The following DOCK10 variants were observed in gnomAD, a reference collection of about 807,000 sequenced individuals.
DOCK10 encodes the protein dedicator of cytokinesis protein 10.
In DOCK10, 145 loss-of-function variants were observed where a neutral mutation model predicts 280.1. That is an observed-to-expected ratio of 0.52 (90% confidence interval 0.45 to 0.59). The LOEUF (loss-of-function observed/expected upper bound fraction) is 0.59, where lower values mean the gene tolerates loss of function less well. Ranked by LOEUF, DOCK10 falls within the 20% of genes least tolerant of loss-of-function variation. The pLI is 0.00. For synonymous variants in DOCK10, 915 were observed against 942.2 expected (o/e 0.97, Z 0.53); for missense variants, 2,368 against 2,651.7 (o/e 0.89, Z 2.35).
chr2:224,883,704 T>A (rs945528662), intron 7 of DOCK10, among the ~76,000 whole-genome samples: 2 of 152,108 alleles, frequency 1.3e-5, no homozygotes, highest in African/African-American at 2.4e-5. Context: ...TCAATACTCC[T>A]TTTTTTCCAT....
intron 2 of DOCK10, among the ~76,000 whole-genome samples, chr2:224,921,110 A>ATATATATATATATATATAT (rs1185460802): frequency 2.9e-5 from 2 of 69,610 alleles, no homozygotes; most frequent in African/African-American, 2.1e-4. Flanking sequence ...AAAAAAAAAA[A>ATATATATATATATATATAT]AAATATATAT....
chr2:225,037,552 T>C (rs921892636), intron 1 of DOCK10, among the ~76,000 whole-genome samples: 2 of 152,206 alleles, frequency 1.3e-5, no homozygotes, highest in Non-Finnish European at 2.9e-5. Context: ...GCAGAGGATG[T>C]CCCATATCAG....
chr2:224,960,393 T>A (rs1011014053), intron 1 of DOCK10, among the ~76,000 whole-genome samples: 9 of 152,214 alleles, frequency 5.9e-5, no homozygotes, highest in African/African-American at 2.2e-4. Context: ...GACATTGTGC[T>A]AAGTATTCAG....
At chr2:224,788,801 TTAC>T (rs1691936593) in intron 48 of DOCK10, among the ~76,000 whole-genome samples, 2 of 152,204 alleles carry the variant, frequency 1.3e-5, no homozygotes, top group South Asian at 4.1e-4. Flanking sequence ...CTTATCACCT[TTAC>T]CAAAAAGCCA....
intron 41 of DOCK10, among the ~76,000 whole-genome samples, chr2:224,798,634 CTT>C (rs202006772): frequency 2.2e-4 from 31 of 142,244 alleles, no homozygotes; most frequent in Non-Finnish European, 1.8e-4. Context: ...CTGGCTCAAT[CTT>C]TTTTTTTTTT....
In DOCK10 at chr2:224,896,285, AG is replaced by A. The variant is rs762667603; in HGVS notation, c.416+9del. On this transcript the variant is annotated intron_variant, in intron 4 of 55. Coordinates refer to ENST00000258390, the MANE Select transcript of DOCK10 (RefSeq NM_014689.3). ...GAAAAGACCAATAAGTGCTCATAAC[AG>A]GTTCTTACCGGGGTAGCTGTCGAAT... is the stretch of plus-strand genomic sequence containing the variant. 6.5e-5 allele frequency: 100 copies of A among 1,541,968 alleles called. 1 individual carries two copies. The East Asian group carries it at 2.2e-3, about 34-fold the overall frequency.
Position 224,797,887 on chromosome 2 carries a change from T to A in DOCK10, c.4589A>T (p.Gln1530Leu). The A allele has an allele frequency of 6.2e-7, 1 of 1,613,930 alleles. No homozygotes were observed. The highest frequency in any genetic ancestry group is 1.1e-5 in the South Asian group (1 of 91,078). ...CACATGCTTCAGCGCTGTGGCTGAC[T>A]GATTGACTTGGAAAAAGAGCATGTA... The part of the protein sequence containing the change: ...DTYMLFFQVN[Q>L]SATALKHVFA... The change falls in exon 42 of 56, where the codon CAG becomes CTG. Residue 1530 changes from glutamine to leucine, a missense_variant. Coordinates refer to ENST00000258390, the MANE Select transcript of DOCK10 (RefSeq NM_014689.3).
At chr2:224,851,323 G>C (rs1245211904) in intron 18 of DOCK10, among the ~76,000 whole-genome samples, 2 of 152,024 alleles carry the variant, frequency 1.3e-5, no homozygotes, top group Non-Finnish European at 2.9e-5. Context: ...GGCCAAACGT[G>C]CTTGCCATCT....
chr2:224,880,047 G>A (rs775792430), intron 7 of DOCK10, among the ~76,000 whole-genome samples: 4 of 152,014 alleles, frequency 2.6e-5, no homozygotes, highest in East Asian at 1.9e-4. Flanking sequence ...TGAAGATGCC[G>A]AACACTAACA....
At chr2:224,895,859 ATATG>A (rs1354528728) in intron 4 of DOCK10, among the ~76,000 whole-genome samples, 1 of 105,674 alleles carries the variant, frequency 9.5e-6, no homozygotes, top group African/African-American at 6.9e-5. Context: ...ATATATATAT[ATATG>A]TCTTTTGTGG....
intron 3 of DOCK10, among the ~76,000 whole-genome samples, chr2:224,905,616 G>A (rs184816231): frequency 3.3e-5 from 5 of 152,132 alleles, no homozygotes; most frequent in Admixed American, 1.3e-4. Flanking sequence ...ATTTTTATTG[G>A]GTTTATTCCT....
chr2:225,003,246 T>A (rs563520556), intron 1 of DOCK10, among the ~76,000 whole-genome samples: 1 of 152,270 alleles, frequency 6.6e-6, no homozygotes, highest in South Asian at 2.1e-4. Flanking sequence ...GATTTCACCA[T>A]GTTGCCCAGG....
intron 31 of DOCK10, 83 bp downstream of exon 31, chr2:224,814,237 A>T: frequency 1.4e-6 from 1 of 714,812 alleles, no homozygotes; most frequent in Non-Finnish European, 2.1e-6. Flanking sequence ...ATTTATTAGC[A>T]CCCAGAAACT....
intron 18 of DOCK10, among the ~76,000 whole-genome samples, chr2:224,851,419 G>A (rs1427317042): frequency 6.7e-6 from 1 of 148,528 alleles, no homozygotes; most frequent in African/African-American, 2.5e-5. Context: ...TTGGGTGCCA[G>A]TGGATGCTGA....
chr2:224,847,969 G>A (rs943215345), intron 19 of DOCK10, among the ~76,000 whole-genome samples: 6 of 152,192 alleles, frequency 3.9e-5, no homozygotes, highest in African/African-American at 1.4e-4. Context: ...TTTTCCAAAT[G>A]AGCACAGTGT....
At chr2:225,032,024 C>T (rs1026281303) in intron 1 of DOCK10, among the ~76,000 whole-genome samples, 2 of 152,170 alleles carry the variant, frequency 1.3e-5, no homozygotes, top group African/African-American at 4.8e-5. Context: ...CAAATGTGGT[C>T]ATAGATCATT....
chr2:225,035,641 AT>A (rs1341594937), intron 1 of DOCK10, among the ~76,000 whole-genome samples: 1,568 of 133,306 alleles, frequency 0.012, 68 homozygotes, highest in African/African-American at 0.048. Flanking sequence ...GGCTGCCATA[AT>A]AACCAAAGAA....
chr2:224,915,060 A>G (rs1259696185), intron 3 of DOCK10, among the ~76,000 whole-genome samples: 3 of 152,220 alleles, frequency 2.0e-5, no homozygotes, highest in Non-Finnish European at 4.4e-5. Flanking sequence ...AAATTTTACA[A>G]CAAAGTTAAA....
intron 14 of DOCK10, among the ~76,000 whole-genome samples, chr2:224,857,624 A>G (rs951048464): frequency 6.6e-6 from 1 of 152,206 alleles, no homozygotes; most frequent in Non-Finnish European, 1.5e-5. Flanking sequence ...GTTGAAACAC[A>G]TAAATAGCTT....
Sources: gnomAD v4.1 joint callset for allele counts (sites outside exome capture counted in the v4.1 genomes callset) on GRCh38, gnomAD v4.1.1 for gene constraint, MANE v1.5 for transcripts, NCBI Gene and HGNC (gene_info 2026-07-23, HGNC 2026-07-21) for gene names.